The following KALRN variants were observed in gnomAD, a reference collection of about 807,000 sequenced individuals.
KALRN encodes kalirin.
KALRN carries 70 observed loss-of-function variants against 353.7 expected under a neutral mutation model. The ratio of observed to expected loss-of-function variants is 0.20; its 90% confidence interval spans 0.16 to 0.24. KALRN has a LOEUF of 0.24. KALRN is among the 10% of genes least tolerant of loss of function. The pLI is 1.00. For synonymous variants in KALRN, 1,391 were observed against 1,434.8 expected (o/e 0.97, Z 0.69); for missense variants, 2,791 against 3,756.7 (o/e 0.74, Z 6.72).
intron 34 of KALRN, among the ~76,000 whole-genome samples, chr3:124,613,161 C>T (rs2078194012): frequency 6.6e-6 from 1 of 151,696 alleles, no homozygotes; most frequent in Non-Finnish European, 1.5e-5. Flanking sequence ...CCTTTGGTCC[C>T]AGATGTATAG....
intron 58 of KALRN, among the ~76,000 whole-genome samples, chr3:124,715,292 C>A (rs377347314): frequency 7.2e-5 from 11 of 152,260 alleles, no homozygotes; most frequent in Admixed American, 4.6e-4. Context: ...AATACTTATG[C>A]TGCCAATTAG....
chr3:124,425,100 A>C (rs896361661), intron 15 of KALRN, among the ~76,000 whole-genome samples: 1 of 152,174 alleles, frequency 6.6e-6, no homozygotes, highest in African/African-American at 2.4e-5. Context: ...TGGAGTGTAG[A>C]GTAGTGGCTA....
intron 1 of KALRN, among the ~76,000 whole-genome samples, chr3:124,183,926 T>C (rs747909333): frequency 4.6e-5 from 7 of 152,102 alleles, no homozygotes; most frequent in Non-Finnish European, 8.8e-5. Context: ...ATCCTATAGG[T>C]CAAGAGAGAT....
At chr3:124,348,408 C>T (rs890026065) in intron 10 of KALRN, among the ~76,000 whole-genome samples, 2 of 152,134 alleles carry the variant, frequency 1.3e-5, no homozygotes, top group Non-Finnish European at 2.9e-5. Flanking sequence ...CAAGCAAGAA[C>T]AGGAAAGTCA....
At chr3:124,457,096 G>A (rs1318179763) in intron 23 of KALRN, among the ~76,000 whole-genome samples, 1 of 151,654 alleles carries the variant, frequency 6.6e-6, no homozygotes, top group Admixed American at 6.6e-5. Context: ...TTGGGACAGA[G>A]CCTCACGGTG....
chr3:124,632,711 C>T lies in KALRN; in HGVS notation c.5466+8C>T, dbSNP rs369099023. On this transcript the variant is annotated splice_region_variant and intron_variant, in intron 35 of 59. Coordinates refer to ENST00000682506, the MANE Select transcript of KALRN (RefSeq NM_001388419.1). ...GGAGACAGCGCTGATGAGGTACTTA[C>T]AGGGGGCCCTGGAGTTGTCCATCAG... 3.3e-5 allele frequency: 53 copies of T among 1,612,018 alleles called. No homozygotes were observed. The highest frequency in any genetic ancestry group is 4.2e-5 in the Non-Finnish European group (49 of 1,178,704).
chr3:124,607,229 A>C (rs947150939), intron 34 of KALRN, among the ~76,000 whole-genome samples: 1 of 152,262 alleles, frequency 6.6e-6, no homozygotes, highest in African/African-American at 2.4e-5. Flanking sequence ...AACAAACAGC[A>C]AAATAGAAGA....
chr3:124,486,325 G>T (rs1195762007), intron 28 of KALRN, among the ~76,000 whole-genome samples: 1 of 152,068 alleles, frequency 6.6e-6, no homozygotes, highest in African/African-American at 2.4e-5. Context: ...CTTATGTTTT[G>T]CCTCAGGATT....
chr3:124,674,777 A>G (rs1224991428), intron 49 of KALRN, 163 bp downstream of exon 49: 4 of 668,246 alleles, frequency 6.0e-6, no homozygotes, highest in East Asian at 6.3e-5. Context: ...CATATGCAAC[A>G]TGGGGCATCC....
intron 1 of KALRN, among the ~76,000 whole-genome samples, chr3:124,092,712 C>A (rs561513643): frequency 1.2e-4 from 19 of 152,334 alleles, no homozygotes; most frequent in African/African-American, 4.3e-4. Context: ...TGGGCACCTA[C>A]GAGTTATCTG....
At chr3:124,492,359 T>A (rs371012228) in intron 31 of KALRN, among the ~76,000 whole-genome samples, 2 of 152,198 alleles carry the variant, frequency 1.3e-5, no homozygotes, top group South Asian at 4.1e-4. Context: ...AAGTAGATGC[T>A]GCCCCTCCCA....
chr3:124,517,341 T>A (rs993752344), intron 33 of KALRN, among the ~76,000 whole-genome samples: 3 of 152,188 alleles, frequency 2.0e-5, no homozygotes, highest in Non-Finnish European at 2.9e-5. Flanking sequence ...AATGAACAGT[T>A]TTTGCCCAGC....
chr3:124,401,735 G>T (rs994628277), intron 13 of KALRN, among the ~76,000 whole-genome samples: 29 of 152,042 alleles, frequency 1.9e-4, no homozygotes, highest in African/African-American at 6.8e-4. Context: ...CTTGTCTTGT[G>T]GGGGAGGCCC....
chr3:124,609,315 C>T (rs1158436820), intron 34 of KALRN, among the ~76,000 whole-genome samples: 2 of 152,178 alleles, frequency 1.3e-5, no homozygotes, highest in Admixed American at 6.5e-5. Context: ...GTACTTCCTA[C>T]TTTGGCATAA....
intron 34 of KALRN, among the ~76,000 whole-genome samples, chr3:124,580,012 C>T (rs1194537764): frequency 6.6e-6 from 1 of 152,124 alleles, no homozygotes; most frequent in Admixed American, 6.5e-5. Flanking sequence ...GGTGCTGTTA[C>T]AAAAAGAAGA....
intron 33 of KALRN, among the ~76,000 whole-genome samples, chr3:124,502,686 C>T (rs2064738621): frequency 6.6e-6 from 1 of 152,246 alleles, no homozygotes; most frequent in Admixed American, 6.5e-5. Flanking sequence ...TGAAAGAGCA[C>T]AGAAGACCTG....
intron 37 of KALRN, among the ~76,000 whole-genome samples, chr3:124,638,489 T>A (rs541833487): frequency 6.6e-6 from 1 of 152,188 alleles, no homozygotes; most frequent in African/African-American, 2.4e-5. Flanking sequence ...CTCTGACTGC[T>A]TCTCACTTGC....
At chr3:124,173,080 GT>G (rs2072107613) in intron 1 of KALRN, among the ~76,000 whole-genome samples, 1 of 152,088 alleles carries the variant, frequency 6.6e-6, no homozygotes, top group Admixed American at 6.5e-5. Context: ...GAACCAGAAT[GT>G]CTGGTTCAGA....
chr3:124,692,991 T>C (rs902123094), intron 51 of KALRN, among the ~76,000 whole-genome samples: 4 of 152,214 alleles, frequency 2.6e-5, no homozygotes, highest in Admixed American at 1.3e-4. Context: ...TAAAATGTTT[T>C]CCCTACTGTG....
Sources: allele counts gnomAD v4.1 joint callset (sites outside exome capture counted in the v4.1 genomes callset), GRCh38; gene constraint gnomAD v4.1.1; transcripts MANE v1.5; gene names NCBI Gene and HGNC (gene_info 2026-07-23, HGNC 2026-07-21).